PRKCH: variants seen among roughly 807,000 people sequenced by gnomAD.
PRKCH encodes protein kinase C eta.
PRKCH carries 28 observed loss-of-function variants against 82.5 expected under a neutral mutation model. The observed-to-expected ratio is 0.34, with a 90% CI of 0.25 to 0.47. The LOEUF is 0.47. Among genes scored for constraint, PRKCH ranks in the 20% least tolerant of loss-of-function variants. The probability of loss-of-function intolerance (pLI) is 1.00; values close to 1 mark genes in which losing one functional copy is unlikely to be tolerated. For missense variants in PRKCH, 705 were observed against 881.8 expected, an observed-to-expected ratio of 0.80 and a Z score of 2.54; for synonymous variants, 322 against 327.4, an observed-to-expected ratio of 0.98 and a Z score of 0.18.
chr14:61,212,326 G>A (rs887428751), intron 1 of PRKCH, among the ~76,000 whole-genome samples: 6 of 152,292 alleles, frequency 3.9e-5, no homozygotes, highest in East Asian at 1.9e-4. Flanking sequence ...GTTGCAGAGC[G>A]GTTGTAACTA....
At chr14:61,223,506 A>G (rs2044671615) in intron 1 of PRKCH, among the ~76,000 whole-genome samples, 2 of 152,144 alleles carry the variant, frequency 1.3e-5, no homozygotes, top group African/African-American at 4.8e-5. Context: ...TTTGGCTCCT[A>G]CCATTTGGCT....
intron 9 of PRKCH, among the ~76,000 whole-genome samples, chr14:61,473,905 A>C (rs978099372): frequency 3.3e-5 from 5 of 152,090 alleles, no homozygotes; most frequent in African/African-American, 1.2e-4. Context: ...AGGCAGGGAG[A>C]ATCGCTTGCA....
intron 2 of PRKCH, among the ~76,000 whole-genome samples, chr14:61,432,181 T>C (rs1883434712): frequency 6.6e-6 from 1 of 152,188 alleles, no homozygotes; most frequent in South Asian, 2.1e-4. Context: ...TGTTAGAATG[T>C]TTTTAACTCC....
intron 3 of PRKCH, among the ~76,000 whole-genome samples, chr14:61,445,452 T>C (rs1402174294): frequency 1.3e-5 from 2 of 152,206 alleles, no homozygotes; most frequent in African/African-American, 2.4e-5. Context: ...TGGAGGTAGA[T>C]GGAATGGGAA....
intron 1 of PRKCH, among the ~76,000 whole-genome samples, chr14:61,367,853 T>C (rs1480757404): frequency 6.6e-6 from 1 of 151,712 alleles, no homozygotes; most frequent in African/African-American, 2.4e-5. Context: ...TAGCTGGGAC[T>C]ACAGGAGCCC....
intron 1 of PRKCH, among the ~76,000 whole-genome samples, chr14:61,194,999 G>T (rs2044431161): frequency 6.6e-6 from 1 of 152,190 alleles, no homozygotes; most frequent in South Asian, 2.1e-4. Context: ...CTCTCAAAGT[G>T]CTGAGATTAC....
intron 1 of PRKCH, among the ~76,000 whole-genome samples, chr14:61,285,474 T>C (rs1289108286): frequency 6.6e-6 from 1 of 152,216 alleles, no homozygotes; most frequent in African/African-American, 2.4e-5. Context: ...ATTGCTTATC[T>C]GTACGAACGT....
chr14:61,400,712 A>G (rs1881561018), intron 2 of PRKCH, among the ~76,000 whole-genome samples: 1 of 152,210 alleles, frequency 6.6e-6, no homozygotes, highest in African/African-American at 2.4e-5. Context: ...TTCTGGTAGC[A>G]GGATAAACTC....
At chr14:61,318,881 GAC>G (rs2045585474), upstream of PRKCH, among the ~76,000 whole-genome samples, 2 of 152,166 alleles carry the variant, frequency 1.3e-5, no homozygotes, top group South Asian at 4.2e-4. Context: ...TTTTTGTAGA[GAC>G]AGTCTTGCCA....
intron 1 of PRKCH, among the ~76,000 whole-genome samples, chr14:61,272,344 C>CTTTTTTTTTTTTTTTTTTTTTTTTTT (rs1162331604): frequency 8.5e-5 from 2 of 23,580 alleles, no homozygotes; most frequent in Admixed American, 5.7e-4. Flanking sequence ...TTTTTTCTTT[C>CTTTTTTTTTTTTTTTTTTTTTTTTTT]TTTTTTTTTT....
chr14:61,502,055 C>CTTTTTT (rs1566916525), intron 10 of PRKCH, among the ~76,000 whole-genome samples: 2 of 84,288 alleles, frequency 2.4e-5, no homozygotes, highest in African/African-American at 1.1e-4. Context: ...CTTTTCTTTT[C>CTTTTTT]TTTTCTTTTC....
At chr14:61,522,168 T>C (rs1192981049) in intron 10 of PRKCH, among the ~76,000 whole-genome samples, 1 of 152,186 alleles carries the variant, frequency 6.6e-6, no homozygotes, top group African/African-American at 2.4e-5. Flanking sequence ...CTAAATCCCA[T>C]TGCTTTCCCC....
chr14:61,206,768 C>T (rs2044527295), intron 1 of PRKCH, among the ~76,000 whole-genome samples: 1 of 151,834 alleles, frequency 6.6e-6, no homozygotes, highest in African/African-American at 2.4e-5. Flanking sequence ...AGTAATCTGC[C>T]TCTTTTGCAA....
At chr14:61,350,154 G>T (rs943069955) in intron 1 of PRKCH, among the ~76,000 whole-genome samples, 8 of 152,024 alleles carry the variant, frequency 5.3e-5, no homozygotes, top group African/African-American at 1.9e-4. Flanking sequence ...TTTTATATTT[G>T]CCCCCATTGT....
At chr14:61,367,716 CT>C (rs34427789) in intron 1 of PRKCH, among the ~76,000 whole-genome samples, 1,873 of 137,342 alleles carry the variant, frequency 0.014, 35 homozygotes, top group African/African-American at 0.031. Flanking sequence ...TGGAGAACTC[CT>C]TTTTTTTTTT....
At chr14:61,544,355 T>C (rs2043227259) in intron 12 of PRKCH, 1 of 152,234 alleles carries the variant, frequency 6.6e-6, no homozygotes, top group Non-Finnish European at 1.5e-5. Context: ...TGACTTTTCA[T>C]GTGATGTGAC....
At chr14:61,238,711 G>A (rs902677059) in intron 1 of PRKCH, among the ~76,000 whole-genome samples, 5 of 151,772 alleles carry the variant, frequency 3.3e-5, no homozygotes, top group African/African-American at 1.2e-4. Flanking sequence ...ATTTAAAAAT[G>A]TCCACCTTCC....
intron 1 of PRKCH, among the ~76,000 whole-genome samples, chr14:61,228,369 C>G (rs75061604): frequency 0.015 from 2,230 of 152,258 alleles, 63 homozygotes; most frequent in African/African-American, 0.051. Context: ...TTTATAGGAG[C>G]TTTTTGCTGA....
At chr14:61,498,082 T>C (rs1344405755) in intron 10 of PRKCH, among the ~76,000 whole-genome samples, 2 of 152,134 alleles carry the variant, frequency 1.3e-5, no homozygotes, top group Non-Finnish European at 2.9e-5. Flanking sequence ...TGGCTTGATC[T>C]CAGCTCACTG....
Sources: gnomAD v4.1 joint callset for allele counts (sites outside exome capture counted in the v4.1 genomes callset) on GRCh38, gnomAD v4.1.1 for gene constraint, MANE v1.5 for transcripts, NCBI Gene and HGNC (gene_info 2026-07-23, HGNC 2026-07-21) for gene names.